The following RNF217 variants were observed in gnomAD, a reference collection of about 807,000 sequenced individuals.
RNF217 encodes ring finger protein 217, also known as E3 ubiquitin-protein ligase RNF217.
A neutral mutation model predicts 57.8 loss-of-function variants in RNF217; 31 were observed. The observed-to-expected ratio is 0.54, with a 90% CI of 0.40 to 0.72. The LOEUF is 0.72. Among genes scored for constraint, RNF217 ranks in the 30% least tolerant of loss-of-function variants. The pLI, the probability that RNF217 is intolerant of heterozygous loss-of-function variation, is 0.00. For missense variants in RNF217, 696 were observed against 708.3 expected, an observed-to-expected ratio of 0.98 and a Z score of 0.20; for synonymous variants, 313 against 294.0, an observed-to-expected ratio of 1.06 and a Z score of -0.66.
chr6:124,974,740 G>T (rs1254240614), intron 1 of RNF217, among the ~76,000 whole-genome samples: 1 of 152,334 alleles, frequency 6.6e-6, no homozygotes, highest in South Asian at 2.1e-4. Context: ...TGTATCTAAT[G>T]ACACTGCAGA....
At chr6:125,071,528 G>A (rs868220493) in intron 3 of RNF217, among the ~76,000 whole-genome samples, 1,738 of 57,424 alleles carry the variant, frequency 0.03, 24 homozygotes, top group African/African-American at 0.07. Context: ...GTGTGTGTGT[G>A]TGTGTGTGTA....
chr6:125,022,368 C>G (rs2114420364), intron 1 of RNF217, among the ~76,000 whole-genome samples: 1 of 152,280 alleles, frequency 6.6e-6, no homozygotes, highest in South Asian at 2.1e-4. Context: ...TGAAAATTAA[C>G]ACATTAACAA....
intron 1 of RNF217, among the ~76,000 whole-genome samples, chr6:125,009,681 C>G (rs1299610769): frequency 6.6e-6 from 1 of 151,720 alleles, no homozygotes; most frequent in Non-Finnish European, 1.5e-5. Context: ...TGTATGATCC[C>G]TCTAAAAACG....
intron 1 of RNF217, among the ~76,000 whole-genome samples, chr6:125,002,910 T>C (rs189027057): frequency 6.6e-6 from 1 of 152,296 alleles, no homozygotes; most frequent in East Asian, 1.9e-4. Context: ...GTCTACAGCA[T>C]AAGGCAATTA....
intron 3 of RNF217, among the ~76,000 whole-genome samples, chr6:125,068,405 G>A (rs1243002885): frequency 6.6e-6 from 1 of 152,114 alleles, no homozygotes; most frequent in Non-Finnish European, 1.5e-5. Flanking sequence ...TTTTCTTAGA[G>A]AAACCTCCTC....
At position 125,071,361 on chromosome 6, in the gene RNF217, TACTC is replaced by T. The variant is rs771170195; in HGVS notation, c.1282-5293_1282-5290del. Among the ~76,000 whole-genome samples, 303 of 152,272 alleles carry T rather than the reference TACTC, an allele frequency of 2.0e-3. 2 individuals carry two copies. The highest frequency in any genetic ancestry group is 3.9e-3 in the African/African-American group (161 of 41,572). On this transcript the variant is annotated intron_variant, in intron 3 of 5. Coordinates refer to ENST00000521654, the MANE Select transcript of RNF217 (RefSeq NM_001286398.3). ...TGCCATCACGAGGGTGAACAACTGA[TACTC>T]ACAGTGGACTGGGTTGCCAGCATTT...
At chr6:125,032,878 A>G (rs747109737) in intron 1 of RNF217, among the ~76,000 whole-genome samples, 5 of 152,218 alleles carry the variant, frequency 3.3e-5, no homozygotes, top group Admixed American at 6.5e-5. Flanking sequence ...TTCATGAAAC[A>G]TTAATATCTC....
chr6:124,962,942 TG>T lies in RNF217; in HGVS notation c.400del (p.Glu134SerfsTer62). On this transcript the variant is annotated frameshift_variant, in exon 1 of 6. Coordinates refer to ENST00000521654, the MANE Select transcript of RNF217 (RefSeq NM_001286398.3). LOFTEE classifies it high-confidence loss of function. This position sits in a 1 kb window ranked among gnomAD's most constrained non-coding sequence, Gnocchi z 4.6. ...EQQEAPPGEE[L>X]EPRTRVGAAD... ...CAGGAGGCGCCCCCCGGCGAAGAGC[TG>T]GAGCCCAGGACCCGCGTGGGGGCCG... is the stretch of plus-strand genomic sequence containing the variant. 1 of 1,597,830 alleles carries T rather than the reference TG, an allele frequency of 6.3e-7. No homozygotes were observed. Among genetic ancestry groups the T allele is most frequent in the Non-Finnish European group, 8.5e-7 (1 of 1,179,588 alleles).
At chr6:125,022,141 C>T (rs1163063949) in intron 1 of RNF217, among the ~76,000 whole-genome samples, 3 of 152,188 alleles carry the variant, frequency 2.0e-5, no homozygotes, top group African/African-American at 7.2e-5. Flanking sequence ...CTTGGCCTCC[C>T]AAAGTGCTGG....
chr6:125,055,260 A>G (rs1173271922), intron 2 of RNF217, among the ~76,000 whole-genome samples: 3 of 152,146 alleles, frequency 2.0e-5, no homozygotes, highest in African/African-American at 7.2e-5. Flanking sequence ...ACTTATTTGT[A>G]TTCACTTGAG....
intron 2 of RNF217, among the ~76,000 whole-genome samples, chr6:125,056,131 A>G (rs1166370517): frequency 6.6e-6 from 1 of 152,186 alleles, no homozygotes; most frequent in East Asian, 1.9e-4. Flanking sequence ...TGACTACTAC[A>G]TTTTAAGTTG....
rs927147225 is a variant in RNF217, at chr6:125,083,116, G to A, written c.*179G>A. 1.3e-5 allele frequency: 6 copies of A among 466,902 alleles called. No individual in the cohort carries two copies. The highest frequency in any genetic ancestry group is 8.2e-5 in the Admixed American group (2 of 24,358). The allele number at this position is 466,902 out of a possible 1,614,324, so 28.9% of individuals were successfully genotyped here. ...TGGTGCACTCCCAACATGGTATCCT[G>A]TCCTTTCCCTAAACAAATTGCTGCT... On this transcript the variant is annotated 3_prime_UTR_variant, in exon 6 of 6. Coordinates refer to ENST00000521654, the MANE Select transcript of RNF217 (RefSeq NM_001286398.3).
At chr6:124,973,977 A>G (rs1209994837) in intron 1 of RNF217, among the ~76,000 whole-genome samples, 1 of 152,178 alleles carries the variant, frequency 6.6e-6, no homozygotes, top group Non-Finnish European at 1.5e-5. Context: ...GTTGTCAGTG[A>G]GCTCAGCTAT....
At chr6:124,978,758 C>G (rs955200524) in intron 1 of RNF217, among the ~76,000 whole-genome samples, 4 of 152,160 alleles carry the variant, frequency 2.6e-5, no homozygotes, top group African/African-American at 9.7e-5. Flanking sequence ...TCACTGCCCA[C>G]AGCTTGGCAA....
At chr6:125,068,440 A>G (rs1373614885) in intron 3 of RNF217, among the ~76,000 whole-genome samples, 2 of 152,116 alleles carry the variant, frequency 1.3e-5, no homozygotes, top group African/African-American at 4.8e-5. Context: ...GATCAAGCTC[A>G]TCTATTGAGT....
intron 3 of RNF217, among the ~76,000 whole-genome samples, chr6:125,075,781 C>T (rs41517847): frequency 0.014 from 2,171 of 152,198 alleles, 48 homozygotes; most frequent in African/African-American, 0.047. Flanking sequence ...ATAAAGATGG[C>T]TCTAATTTCT....
At chr6:125,017,277 AAC>A (rs1353736810) in intron 1 of RNF217, among the ~76,000 whole-genome samples, 7 of 152,182 alleles carry the variant, frequency 4.6e-5, no homozygotes, top group African/African-American at 1.7e-4. Context: ...ATTGAACAAA[AAC>A]AGTTATACAC....
At position 125,089,387 on chromosome 6, in the gene RNF217, G is replaced by A. The variant is rs1788868104; in HGVS notation, c.*6450G>A. ...GTTATAGGTATGGTTTATGGTCTTT[G>A]TTTCAGCAAAACGTCCTACAGCTTG... On this transcript the variant is annotated 3_prime_UTR_variant, in exon 6 of 6. Transcript: ENST00000521654. The A allele has an allele frequency of 6.6e-6, 1 of 152,162 alleles. No individual in the cohort carries two copies. The highest frequency in any genetic ancestry group is 6.5e-5 in the Admixed American group (1 of 15,274). 9.4% of individuals were successfully genotyped at this position (152,162 alleles called of 1,614,324 possible).
rs766891570 is a variant in RNF217 at position 125,082,524 on chromosome 6, CTGTGT to C, written c.1556-336_1556-332del. 1.1e-5 allele frequency: 17 copies of C among 1,612,622 alleles called. No individual in the cohort carries two copies. In the East Asian group the frequency reaches 2.9e-4, roughly 28 times the overall value. On this transcript the variant is annotated intron_variant, in intron 5 of 5. Coordinates refer to ENST00000521654, the MANE Select transcript of RNF217 (RefSeq NM_001286398.3). ...CAAACCCAACATTTGGCTCCACAGCCTGTGTTGTTAAGTGATATGCTATACTGCCT... is the reference window on the plus strand; with the variant it reads ...CAAACCCAACATTTGGCTCCACAGCCTGTTAAGTGATATGCTATACTGCCT...
Sources: gnomAD v4.1 joint callset for allele counts (sites outside exome capture counted in the v4.1 genomes callset) on GRCh38, gnomAD v4.1.1 for gene constraint, Gnocchi (gnomAD v3.1) non-coding constraint, MANE v1.5 for transcripts, NCBI Gene and HGNC (gene_info 2026-07-23, HGNC 2026-07-21) for gene names.